Variants in PCDHGA8 observed in about 807,000 individuals in gnomAD.
PCDHGA8 encodes the protein protocadherin gamma-A8.
Under a neutral mutation model 59.2 loss-of-function variants are expected in PCDHGA8, and 45 were observed. The observed-to-expected ratio is 0.76, with a 90% confidence interval of 0.60 to 0.98. The LOEUF (loss-of-function observed/expected upper bound fraction) is 0.98, where lower values mean the gene tolerates loss of function less well. Among genes scored for constraint, PCDHGA8 ranks in the 50% least tolerant of loss-of-function variants. PCDHGA8 has a pLI of 0.00. For missense variants in PCDHGA8, 1,257 were observed against 1,196.2 expected (o/e 1.05, Z -0.75); for synonymous variants, 531 against 519.0 (o/e 1.02, Z -0.32).
chr5:141,483,764 A>G (rs1170910094), intron 1 of PCDHGA8, among the ~76,000 whole-genome samples: 1 of 152,104 alleles, frequency 6.6e-6, no homozygotes, highest in East Asian at 1.9e-4. Context: ...AGGCTTGGAA[A>G]AATATTGGGG....
intron 1 of PCDHGA8, chr5:141,440,036 A>T (rs540100930): frequency 6.5e-6 from 1 of 153,058 alleles, no homozygotes; most frequent in Non-Finnish European, 1.5e-5. Context: ...TGTCGAGGAC[A>T]TGCCCACTTG....
chr5:141,421,102 T>A (rs1420706532), intron 1 of PCDHGA8: 2 of 691,286 alleles, frequency 2.9e-6, no homozygotes, highest in Admixed American at 6.2e-5. Context: ...CACTGGAGAC[T>A]TAGAAGTATT....
intron 1 of PCDHGA8, chr5:141,415,157 C>G: frequency 6.2e-7 from 1 of 1,613,864 alleles, no homozygotes. Context: ...CTCTCCGCCA[C>G]TGTCACGCTC....
intron 1 of PCDHGA8, among the ~76,000 whole-genome samples, chr5:141,402,245 A>G (rs1196349685): frequency 6.6e-6 from 1 of 152,078 alleles, no homozygotes; most frequent in East Asian, 1.9e-4. Flanking sequence ...TTTATCATCA[A>G]AATAAACCCC....
intron 1 of PCDHGA8, among the ~76,000 whole-genome samples, chr5:141,479,977 A>G (rs145953890): frequency 0.015 from 2,300 of 152,320 alleles, 30 homozygotes; most frequent in Non-Finnish European, 0.024. Context: ...AGGTTCTACC[A>G]TTTACCAACT....
chr5:141,410,158 G>T (rs755466762), intron 1 of PCDHGA8: 2 of 1,613,516 alleles, frequency 1.2e-6, no homozygotes, highest in Non-Finnish European at 8.5e-7. Context: ...GTGGACAGCC[G>T]CCACTCTCTG....
Position 141,394,148 on chromosome 5 carries a change from T to C in PCDHGA8, c.1335T>C (p.Ile445=), listed in dbSNP as rs2092927771. The change falls in exon 1 of 4, where the codon ATT becomes ATC. Residue 445 remains isoleucine (I), a synonymous_variant. Coordinates refer to ENST00000398604, the MANE Select transcript of PCDHGA8 (RefSeq NM_032088.2). The part of the protein sequence containing the change: ...ETQIALHVAD[I]NDNPPTFPHA... The stretch of plus-strand genomic sequence containing the variant: ...AAATCGCTCTGCACGTGGCAGACAT[T>C]AACGACAACCCTCCTACTTTCCCTC... 6.2e-7 allele frequency: 1 copy of C among 1,613,768 alleles called. No individual in the cohort carries two copies. Among genetic ancestry groups the C allele is most frequent in the African/African-American group, 1.3e-5 (1 of 74,898 alleles).
chr5:141,421,548 G>A, intron 1 of PCDHGA8: 19 of 1,613,984 alleles, frequency 1.2e-5, no homozygotes, highest in Non-Finnish European at 1.6e-5. Flanking sequence ...TTTTAAATAT[G>A]GAACTTCTCG....
Position 141,476,819 on chromosome 5 carries a change from C to T in PCDHGA8, c.2425-17988C>T. ...CAGCCTGCCTATTCACATCAAGGTGCTGGACGCGAATGACAATGCGCCTGT... is the reference window on the plus strand; with the variant it reads ...CAGCCTGCCTATTCACATCAAGGTGTTGGACGCGAATGACAATGCGCCTGT... On this transcript the variant is annotated intron_variant, in intron 1 of 3. Coordinates refer to ENST00000398604, the MANE Select transcript of PCDHGA8 (RefSeq NM_032088.2). The surrounding 1 kb of genome is among the most constrained non-coding windows in gnomAD (Gnocchi z 7.6). 6.2e-7 allele frequency: 1 copy of T among 1,613,524 alleles called. No homozygotes were observed. The highest frequency in any genetic ancestry group is 8.5e-7 in the Non-Finnish European group (1 of 1,180,036).
chr5:141,493,656 T>C lies in PCDHGA8; in HGVS notation c.2425-1151T>C, dbSNP rs1481871984. Among the ~76,000 whole-genome samples, 1 of 152,184 alleles carries C rather than the reference T, an allele frequency of 6.6e-6. No homozygotes were observed. Among genetic ancestry groups the C allele is most frequent in the African/African-American group, 2.4e-5 (1 of 41,454 alleles). ...CTGAGGGCTGGCCATCCCTGTGCCC[T>C]TCTCCATGGCAGCCCCAGAATGGTG... On this transcript the variant is annotated intron_variant, in intron 1 of 3. Coordinates refer to ENST00000398604, the MANE Select transcript of PCDHGA8 (RefSeq NM_032088.2). The surrounding 1 kb of genome is among the most constrained non-coding windows in gnomAD (Gnocchi z 4.3).
intron 1 of PCDHGA8, among the ~76,000 whole-genome samples, chr5:141,453,996 C>T (rs2098779349): frequency 6.6e-6 from 1 of 152,128 alleles, no homozygotes; most frequent in Admixed American, 6.6e-5. Context: ...GTGATAAACC[C>T]ACATAACATT....
intron 1 of PCDHGA8, chr5:141,404,402 A>T: frequency 6.2e-7 from 1 of 1,613,850 alleles, no homozygotes; most frequent in Non-Finnish European, 8.5e-7. Context: ...TAGCAATGAG[A>T]ATTCTAGAGT....
chr5:141,490,229 T>C lies in PCDHGA8; in HGVS notation c.2425-4578T>C. The C allele has an allele frequency of 6.2e-7, 1 of 1,614,198 alleles. No individual in the cohort carries two copies. Among genetic ancestry groups the C allele is most frequent in the Non-Finnish European group, 8.5e-7 (1 of 1,180,034 alleles). On this transcript the variant is annotated intron_variant, in intron 1 of 3. Coordinates refer to ENST00000398604, the MANE Select transcript of PCDHGA8 (RefSeq NM_032088.2). The surrounding 1 kb of genome is among the most constrained non-coding windows in gnomAD (Gnocchi z 5.4). ...GCCCGTGACCAGGGACAGCCTGCCA[T>C]GGAGGGCCACTGTGTGATTCAAGTG... is the stretch of plus-strand genomic sequence containing the variant.
chr5:141,450,592 T>G (rs1403924348), intron 1 of PCDHGA8, among the ~76,000 whole-genome samples: 1 of 151,838 alleles, frequency 6.6e-6, no homozygotes, highest in Non-Finnish European at 1.5e-5. Context: ...GTTCAAGCAA[T>G]TCTCCTGCCT....
At chr5:141,421,283 T>G (rs2096560959) in intron 1 of PCDHGA8, 4 of 1,612,952 alleles carry the variant, frequency 2.5e-6, no homozygotes, top group Non-Finnish European at 3.4e-6. Flanking sequence ...CTGCTGTGCA[T>G]TTTCCTGGGG....
In PCDHGA8 at chr5:141,421,591, G is replaced by A. The variant is rs1273484124; in HGVS notation, c.2424+26354G>A. The A allele has an allele frequency of 1.9e-6, 3 of 1,613,756 alleles. No homozygotes were observed. In the Admixed American group the frequency reaches 5.0e-5, roughly 27 times the overall value. ...CACCTTGAAGATTTACGGAGTGGAG[G>A]TGGAAATAATAGATATTAATGATAA... is the stretch of plus-strand genomic sequence containing the variant. On this transcript the variant is annotated intron_variant, in intron 1 of 3. Transcript: ENST00000398604.
At chr5:141,399,002 C>G in intron 1 of PCDHGA8, 6 of 1,613,830 alleles carry the variant, frequency 3.7e-6, no homozygotes, top group Non-Finnish European at 4.2e-6. Context: ...AGTCTGAATT[C>G]AAAGAGCGGA....
At position 141,414,415 on chromosome 5, in the gene PCDHGA8, C is replaced by T. The variant is rs769791452; in HGVS notation, c.2424+19178C>T. ...TTACAGATTGGTGATACACAGAGCC[C>T]TTGACAGGGAACAGGTATCCTCTTA... On this transcript the variant is annotated intron_variant, in intron 1 of 3. Coordinates refer to ENST00000398604, the MANE Select transcript of PCDHGA8 (RefSeq NM_032088.2). The T allele has an allele frequency of 2.5e-6, 4 of 1,613,758 alleles. No individual in the cohort carries two copies. Among genetic ancestry groups the T allele is most frequent in the Non-Finnish European group, 8.5e-7 (1 of 1,179,880 alleles).
At position 141,477,112 on chromosome 5, in the gene PCDHGA8, A is replaced by C. The variant is rs745449028; in HGVS notation, c.2425-17695A>C. The C allele has an allele frequency of 2.5e-6, 4 of 1,614,262 alleles. No homozygotes were observed. The South Asian group carries it at 4.4e-5, about 18-fold the overall frequency. Reference sequence around the variant, plus strand: ...CCAAAGACAAGGGCGCCAATCCCGAAGGAGCACATTGCAAAGTGTTGGTGG... The same window carrying C: ...CCAAAGACAAGGGCGCCAATCCCGACGGAGCACATTGCAAAGTGTTGGTGG... On this transcript the variant is annotated intron_variant, in intron 1 of 3. Transcript: ENST00000398604. This position sits in a 1 kb window ranked among gnomAD's most constrained non-coding sequence, Gnocchi z 4.9.
Sources: gnomAD v4.1 joint callset for allele counts (sites outside exome capture counted in the v4.1 genomes callset) on GRCh38, gnomAD v4.1.1 for gene constraint, Gnocchi (gnomAD v3.1) non-coding constraint, MANE v1.5 for transcripts, NCBI Gene and HGNC (gene_info 2026-07-23, HGNC 2026-07-21) for gene names.